The following FGF13 variants were observed in gnomAD, a reference collection of about 807,000 sequenced individuals.
The protein encoded by FGF13 is fibroblast growth factor 13.
FGF13 carries 2 observed loss-of-function variants against 19.5 expected under a neutral mutation model. That is an observed-to-expected ratio of 0.10 (90% CI 0.04 to 0.32). FGF13 has a LOEUF of 0.32. Ranked by LOEUF, FGF13 falls within the 10% of genes least tolerant of loss-of-function variation. The pLI is 1.00. For missense variants in FGF13, 113 were observed against 192.7 expected (o/e 0.59, Z 2.45); for synonymous variants, 72 against 76.9 (o/e 0.94, Z 0.33).
chrX:139,173,998 A>G (rs2084156206), intron 1 of FGF13, among the ~76,000 whole-genome samples: 1 of 112,156 alleles, frequency 8.9e-6, no homozygotes, highest in Non-Finnish European at 1.9e-5. Context: ...CAATGGTTGA[A>G]CTAGTTTACA....
intron 3 of FGF13, among the ~76,000 whole-genome samples, chrX:138,821,829 A>G (rs1048540664): frequency 3.6e-5 from 4 of 111,770 alleles, no homozygotes; most frequent in Admixed American, 9.5e-5. Context: ...GAATGACAGG[A>G]GGAAGAGTAT....
Position 139,054,930 on chromosome X carries a change from TTG to T in FGF13, c.-113+148484_-113+148485del, listed in dbSNP as rs201302027. On this transcript the variant is annotated intron_variant, in intron 1 of 2. Transcript: ENST00000421460. ...TTGTATTGTATTGTATTGTATTGTA[TTG>T]TATTTTGCAGCTATTGTAAAAGGGG... 4.6e-3 allele frequency among the ~76,000 whole-genome samples: 503 copies of T among 108,401 alleles called. 1 individual carries two copies. Among genetic ancestry groups the T allele is most frequent in the African/African-American group, 0.017 (476 of 28,198 alleles). The allele number at this position is 108,401 out of a possible 115,157, so 94.1% of individuals were successfully genotyped here.
At chrX:139,120,390 C>G (rs1375046591) in intron 1 of FGF13, among the ~76,000 whole-genome samples, 1 of 111,811 alleles carries the variant, frequency 8.9e-6, no homozygotes, top group Non-Finnish European at 1.9e-5. Flanking sequence ...TTAATCCATG[C>G]ATCAACCCCA....
chrX:139,172,588 C>A (rs994637272), intron 1 of FGF13, among the ~76,000 whole-genome samples: 3 of 111,773 alleles, frequency 2.7e-5, no homozygotes, highest in Non-Finnish European at 5.6e-5. Context: ...AGACAAAAAT[C>A]TTTAAAGGAG....
At chrX:138,956,270 G>T (rs2091840949) in intron 1 of FGF13, among the ~76,000 whole-genome samples, 2 of 111,833 alleles carry the variant, frequency 1.8e-5, no homozygotes, top group Admixed American at 9.6e-5. Context: ...TTGTAAAATG[G>T]AAACAGTTCA....
At chrX:138,818,901 C>T (rs1039489056) in intron 3 of FGF13, among the ~76,000 whole-genome samples, 3 of 111,388 alleles carry the variant, frequency 2.7e-5, no homozygotes, top group Non-Finnish European at 5.7e-5. Context: ...GAGCAGTAGA[C>T]CAGGTGTCAG....
intron 1 of FGF13, among the ~76,000 whole-genome samples, chrX:138,736,584 C>T (rs940775540): frequency 9.1e-6 from 1 of 110,188 alleles, no homozygotes; most frequent in African/African-American, 3.3e-5. Flanking sequence ...ATCTATAGAA[C>T]AGCTGAAAGT....
Position 138,621,503 on chromosome X carries a change from A to G in FGF13, c.*11347T>C, listed in dbSNP as rs1398949793. ...TATAGTGATAAATGCCTACATTAAG[A>G]AAAAAAAAATCAAATAAACGACCTA... On this transcript the variant is annotated 3_prime_UTR_variant, in exon 5 of 5. Transcript: ENST00000315930. The G allele has an allele frequency of 4.6e-5, 5 of 108,842 alleles. No individual in the cohort carries two copies. Among genetic ancestry groups the G allele is most frequent in the Non-Finnish European group, 9.6e-5 (5 of 52,204 alleles). 9.0% of individuals were successfully genotyped at this position (108,842 alleles called of 1,213,427 possible). A position where few individuals can be genotyped will look rare whatever the true frequency, so the allele number is the denominator to read the frequency against.
intron 1 of FGF13, among the ~76,000 whole-genome samples, chrX:138,906,513 G>C (rs1299450453): frequency 1.8e-5 from 2 of 111,754 alleles, no homozygotes; most frequent in Non-Finnish European, 3.8e-5. Flanking sequence ...CATTCCAGTG[G>C]CTGAGACAGA....
chrX:138,742,550 C>T (rs768653375), upstream of FGF13, among the ~76,000 whole-genome samples: 325 of 110,996 alleles, frequency 2.9e-3, 1 homozygote, highest in Non-Finnish European at 4.9e-3. Context: ...AGGTCATGAT[C>T]TATCATCTGT....
chrX:138,651,923 A>G (rs1329823389), intron 3 of FGF13, among the ~76,000 whole-genome samples: 1 of 111,560 alleles, frequency 9.0e-6, no homozygotes, highest in African/African-American at 3.3e-5. Context: ...TAAACTATAC[A>G]TGTAGTATAA....
At chrX:139,042,923 T>C (rs1198142984) in intron 1 of FGF13, among the ~76,000 whole-genome samples, 2 of 111,925 alleles carry the variant, frequency 1.8e-5, no homozygotes, top group Admixed American at 1.9e-4. Context: ...ACCGAAAATT[T>C]TCCTTGTTTC....
At chrX:138,985,080 C>T in intron 1 of FGF13, 2 of 369,221 alleles carry the variant, frequency 5.4e-6, no homozygotes, top group South Asian at 5.0e-5. Flanking sequence ...CATGCTTGTC[C>T]TCATGACACC....
intron 1 of FGF13, among the ~76,000 whole-genome samples, chrX:139,056,668 C>T (rs1443174758): frequency 8.9e-6 from 1 of 111,994 alleles, no homozygotes; most frequent in Admixed American, 9.5e-5. Flanking sequence ...TGTAAATCTC[C>T]TTAATTCTTC....
chrX:138,765,729 G>C (rs770371776), intron 3 of FGF13, among the ~76,000 whole-genome samples: 2 of 111,288 alleles, frequency 1.8e-5, no homozygotes, highest in African/African-American at 6.5e-5. Flanking sequence ...CAATCTCTCC[G>C]AGCCCTTTGA....
rs1602733373 is a variant in FGF13, at chrX:138,711,492, G to A, written c.-489C>T. On this transcript the variant is annotated 5_prime_UTR_variant, in exon 1 of 5. Transcript: ENST00000315930. ...TCGGGCGGCCGGACGGAGGAGGGACGAGGCAGCGCGCGGGGGAGCGCGCCC... is the reference window on the plus strand; with the variant it reads ...TCGGGCGGCCGGACGGAGGAGGGACAAGGCAGCGCGCGGGGGAGCGCGCCC... 1.1e-5 allele frequency: 8 copies of A among 751,292 alleles called. No homozygotes were observed. The highest frequency in any genetic ancestry group is 1.3e-5 in the Non-Finnish European group (8 of 635,421). The allele number at this position is 751,292 out of a possible 1,213,427, so 61.9% of individuals were successfully genotyped here.
intron 3 of FGF13, among the ~76,000 whole-genome samples, chrX:138,805,419 T>A (rs1027122562): frequency 3.6e-5 from 4 of 111,705 alleles, no homozygotes; most frequent in Non-Finnish European, 7.5e-5. Context: ...GGAATCTAAC[T>A]ACAAAAATGG....
In FGF13 at chrX:138,680,795, T is replaced by C. The variant is rs1446406547; in HGVS notation, c.402+22189A>G. Among the ~76,000 whole-genome samples, 20 of 111,156 alleles carry C rather than the reference T, an allele frequency of 1.8e-4. No individual in the cohort carries two copies. The Admixed American group carries it at 1.9e-3, about 11-fold the overall frequency. ...GAGAGTCAGCCTCTCCTTTGAAGCTTTGAAGCCAGATATTGACTTGTCTCT... is the reference window on the plus strand; with the variant it reads ...GAGAGTCAGCCTCTCCTTTGAAGCTCTGAAGCCAGATATTGACTTGTCTCT... On this transcript the variant is annotated intron_variant, in intron 3 of 4. Transcript: ENST00000315930.
intron 1 of FGF13, chrX:138,985,087 C>A: frequency 2.7e-6 from 1 of 368,374 alleles, no homozygotes; most frequent in South Asian, 2.5e-5. Context: ...GTCCTCATGA[C>A]ACCTCTGTGA....
Sources: gnomAD v4.1 joint callset for allele counts (sites outside exome capture counted in the v4.1 genomes callset) on GRCh38, gnomAD v4.1.1 for gene constraint, MANE v1.5 for transcripts, NCBI Gene and HGNC (gene_info 2026-07-23, HGNC 2026-07-21) for gene names.